Variants in PKP2 observed in about 807,000 individuals in gnomAD.
PKP2 encodes plakophilin 2, also known as plakophilin-2.
Under a neutral mutation model 83.4 loss-of-function variants are expected in PKP2, and 73 were observed. The observed-to-expected ratio is 0.88, with a 90% CI of 0.72 to 1.06. The LOEUF (loss-of-function observed/expected upper bound fraction) is 1.06, where lower values mean the gene tolerates loss of function less well. Ranked by LOEUF, PKP2 falls within the 50% of genes least tolerant of loss-of-function variation. The pLI, the probability that PKP2 is intolerant of heterozygous loss-of-function variation, is 0.00. For missense variants in PKP2, 966 were observed against 1,065.4 expected, an observed-to-expected ratio of 0.91 and a Z score of 1.30; for synonymous variants, 409 against 430.4, an observed-to-expected ratio of 0.95 and a Z score of 0.62.
intron 1 of PKP2, among the ~76,000 whole-genome samples, chr12:32,889,544 A>G (rs1277395090): frequency 1.3e-5 from 2 of 152,222 alleles, no homozygotes; most frequent in Admixed American, 1.3e-4. Context: ...GATTAGTCAG[A>G]TTACCTGTAC....
chr12:32,835,639 G>T (rs1592744028), intron 6 of PKP2, among the ~76,000 whole-genome samples: 1 of 152,262 alleles, frequency 6.6e-6, no homozygotes, highest in East Asian at 1.9e-4. Context: ...CAAAGGAATT[G>T]TTTCTTCTTT....
chr12:32,870,375 GA>G (rs1234669074), intron 3 of PKP2, among the ~76,000 whole-genome samples: 1 of 152,080 alleles, frequency 6.6e-6, no homozygotes, highest in Non-Finnish European at 1.5e-5. Context: ...CCCTGCTTCT[GA>G]AACACGTGTT....
chr12:32,867,384 G>A (rs1956859349), intron 4 of PKP2, among the ~76,000 whole-genome samples: 2 of 152,188 alleles, frequency 1.3e-5, no homozygotes, highest in Admixed American at 1.3e-4. Context: ...CGTAGGTTGA[G>A]GGCTGGAGGG....
intron 6 of PKP2, among the ~76,000 whole-genome samples, chr12:32,826,305 CAAAAAAAAAAAA>C (rs71068338): frequency 9.4e-5 from 8 of 84,678 alleles, no homozygotes; most frequent in African/African-American, 3.6e-4. Context: ...GACACCGTCT[CAAAAAAAAAAAA>C]AAAAAAAAGA....
chr12:32,845,609 A>G (rs1956637691), intron 5 of PKP2, among the ~76,000 whole-genome samples: 1 of 152,192 alleles, frequency 6.6e-6, no homozygotes, highest in South Asian at 2.1e-4. Flanking sequence ...CAGAAAATAT[A>G]GTAATTTAAC....
At chr12:32,817,643 C>T (rs2124152) in intron 9 of PKP2, among the ~76,000 whole-genome samples, 111,193 of 152,160 alleles carry the variant, frequency 0.73, 41,623 homozygotes, top group Non-Finnish European at 0.82. Flanking sequence ...AAGGCTAGTC[C>T]TTTTTGTGTC....
intron 10 of PKP2, among the ~76,000 whole-genome samples, chr12:32,799,698 T>C: frequency 6.6e-6 from 1 of 152,062 alleles, no homozygotes; most frequent in Admixed American, 6.6e-5. Context: ...AAACCAAATA[T>C]TGGATGTTCT....
chr12:32,878,061 C>A lies in PKP2; in HGVS notation c.819G>T (p.Pro273=), dbSNP rs3748279. The part of the protein sequence containing the change: ...TAGLTVGQVR[P]LVPLQPVTQN... ...GAGTGACGGGCTGCAGGGGCACCAG[C>A]GGCCTGACCTGCCCGACAGTGAGCC... The change falls in exon 3 of 13, where the codon CCG becomes CCT. Residue 273 remains proline (P), a synonymous_variant. Transcript: ENST00000340811. The A allele has an allele frequency of 2.5e-6, 4 of 1,613,946 alleles. No individual in the cohort carries two copies. In the South Asian group the frequency reaches 3.3e-5, roughly 13 times the overall value.
chr12:32,809,427 C>A (rs555128582), intron 9 of PKP2, among the ~76,000 whole-genome samples: 1 of 152,308 alleles, frequency 6.6e-6, no homozygotes, highest in African/African-American at 2.4e-5. Flanking sequence ...CCACCCCTCC[C>A]ACAGGGAACT....
At chr12:32,854,669 G>C (rs1956729399) in intron 4 of PKP2, among the ~76,000 whole-genome samples, 1 of 152,128 alleles carries the variant, frequency 6.6e-6, no homozygotes, top group African/African-American at 2.4e-5. Flanking sequence ...AAAAGAAATA[G>C]ACTACCATGA....
At chr12:32,888,843 T>C (rs1426198628) in intron 1 of PKP2, among the ~76,000 whole-genome samples, 1 of 149,988 alleles carries the variant, frequency 6.7e-6, no homozygotes, top group Non-Finnish European at 1.5e-5. Context: ...CAGGCTGGCG[T>C]GCAGTGGTGC....
intron 2 of PKP2, 72 bp from the exon 3 acceptor site, chr12:32,878,615 T>G (rs962147497): frequency 8.3e-7 from 1 of 1,198,202 alleles, no homozygotes; most frequent in African/African-American, 1.5e-5. Context: ...CTAATTACTC[T>G]GGGACTATTA....
chr12:32,802,254 T>C, intron 10 of PKP2, 149 bp downstream of exon 10: 2 of 786,496 alleles, frequency 2.5e-6, no homozygotes, highest in South Asian at 1.4e-5. Context: ...TTGTGATATC[T>C]GGTGGCACAA....
At chr12:32,799,998 A>G (rs1456150140) in intron 10 of PKP2, among the ~76,000 whole-genome samples, 1 of 152,224 alleles carries the variant, frequency 6.6e-6, no homozygotes, top group Non-Finnish European at 1.5e-5. Context: ...ATTTTGGTCA[A>G]TGTGAACTTG....
intron 6 of PKP2, chr12:32,824,397 C>G (rs1046523733): frequency 5.8e-6 from 3 of 520,168 alleles, no homozygotes; most frequent in Non-Finnish European, 1.0e-5. Flanking sequence ...CTACTTCACT[C>G]CAAGTACCAT....
At chr12:32,838,863 C>G (rs1266746553) in intron 6 of PKP2, among the ~76,000 whole-genome samples, 1 of 152,176 alleles carries the variant, frequency 6.6e-6, no homozygotes, top group Non-Finnish European at 1.5e-5. Context: ...CGTTTGAACC[C>G]TCAGGAACAA....
In PKP2 at chr12:32,790,839, TA is replaced by T. The variant is rs1237332641; in HGVS notation, c.*1584del. The T allele has an allele frequency of 6.6e-6, 1 of 152,172 alleles. No individual in the cohort carries two copies. Among genetic ancestry groups the T allele is most frequent in the African/African-American group, 2.4e-5 (1 of 41,446 alleles). 9.4% of individuals were successfully genotyped at this position (152,172 alleles called of 1,614,324 possible). A position where few individuals can be genotyped will look rare whatever the true frequency, so the allele number is the denominator to read the frequency against. ...AACACACATTTATTATCTGGAGGAA[TA>T]AATGCACTCCAAATGCTTATCATCA... On this transcript the variant is annotated 3_prime_UTR_variant, in exon 13 of 13. Coordinates refer to ENST00000340811, the MANE Select transcript of PKP2 (RefSeq NM_001005242.3).
intron 4 of PKP2, among the ~76,000 whole-genome samples, chr12:32,853,059 G>A (rs762163789): frequency 3.3e-5 from 5 of 152,040 alleles, no homozygotes; most frequent in African/African-American, 7.2e-5. Flanking sequence ...ACTCTAGCTC[G>A]GGCAACAGTG....
rs572384082 is a variant in PKP2, at chr12:32,803,657, G to A, written c.2014-1101C>T. Among the ~76,000 whole-genome samples, 4 of 152,272 alleles carry A rather than the reference G, an allele frequency of 2.6e-5. No individual in the cohort carries two copies. In the South Asian group the frequency reaches 8.3e-4, roughly 32 times the overall value. On this transcript the variant is annotated intron_variant, in intron 9 of 12. Transcript: ENST00000340811. ...CCCTTCACTGAAATGCTTGAGACCAGAAGTGTTTTGGTTTTTTTCAGATTT... is the reference window on the plus strand; with the variant it reads ...CCCTTCACTGAAATGCTTGAGACCAAAAGTGTTTTGGTTTTTTTCAGATTT...
Sources: gnomAD v4.1 joint callset for allele counts (sites outside exome capture counted in the v4.1 genomes callset) on GRCh38, gnomAD v4.1.1 for gene constraint, MANE v1.5 for transcripts, NCBI Gene and HGNC (gene_info 2026-07-23, HGNC 2026-07-21) for gene names.